The following TRAF5 variants were observed in gnomAD, a reference collection of about 807,000 sequenced individuals.
TRAF5 encodes the protein TNF receptor associated factor 5.
A neutral mutation model predicts 64.5 loss-of-function variants in TRAF5; 48 were observed. The ratio of observed to expected loss-of-function variants is 0.74; its 90% confidence interval spans 0.59 to 0.95. The LOEUF (loss-of-function observed/expected upper bound fraction) is 0.95, where lower values mean the gene tolerates loss of function less well. Ranked by LOEUF, TRAF5 falls within the 40% of genes least tolerant of loss-of-function variation. TRAF5 has a pLI of 0.00. For synonymous variants in TRAF5, 206 were observed against 240.5 expected (o/e 0.86, Z 1.33); for missense variants, 545 against 662.8 (o/e 0.82, Z 1.95).
chr1:211,337,026 C>T (rs572232964), intron 1 of TRAF5, among the ~76,000 whole-genome samples: 6 of 152,394 alleles, frequency 3.9e-5, no homozygotes, highest in Admixed American at 3.9e-4. Flanking sequence ...GCCGCTGCAC[C>T]TGGCCACGTG....
rs1703451999 is a variant in TRAF5 at position 211,369,463 on chromosome 1, A to T, written c.801A>T (p.Leu267Phe). ...GTTCCTGTTATTAGATTTCTGACTT[A>T]CACAAGAGCCTAGAACAGAAAGAAA... Reference protein sequence around the residue: ...NVQLEEQISDLHKSLEQKESK... With the variant: ...NVQLEEQISDFHKSLEQKESK... Residue 267 changes from leucine (L) to phenylalanine (F), a missense_variant, in exon 9 of 11, where the codon TTA becomes TTT. Coordinates refer to ENST00000261464, the MANE Select transcript of TRAF5 (RefSeq NM_001033910.3). The T allele has an allele frequency of 1.3e-6, 2 of 1,588,582 alleles. No individual in the cohort carries two copies. The highest frequency in any genetic ancestry group is 2.7e-5 in the African/African-American group (2 of 73,198).
intron 1 of TRAF5, among the ~76,000 whole-genome samples, chr1:211,352,717 C>T (rs1235986843): frequency 2.6e-5 from 4 of 152,126 alleles, no homozygotes; most frequent in Non-Finnish European, 4.4e-5. Flanking sequence ...ATTTATTTCT[C>T]ATAGTTCTGG....
At chr1:211,360,944 C>T in intron 6 of TRAF5, 144 bp from the exon 7 acceptor site, 1 of 998,446 alleles carries the variant, frequency 1.0e-6, no homozygotes, top group Non-Finnish European at 1.5e-6. Flanking sequence ...GAACTCTCTT[C>T]AACTTTCATC....
At chr1:211,356,002 A>ACACCCACACATT (rs1702950511) in intron 3 of TRAF5, among the ~76,000 whole-genome samples, 2 of 152,214 alleles carry the variant, frequency 1.3e-5, no homozygotes, top group Admixed American at 6.5e-5. Context: ...GCACAGCCTC[A>ACACCCACACATT]GTGACACTGT....
chr1:211,334,453 T>C (rs1011707863), intron 1 of TRAF5, among the ~76,000 whole-genome samples: 4 of 152,262 alleles, frequency 2.6e-5, no homozygotes, highest in African/African-American at 7.2e-5. Context: ...GGTCAGGAGA[T>C]TGAGACCATC....
chr1:211,355,017 AC>A (rs2102746326), intron 3 of TRAF5, among the ~76,000 whole-genome samples: 1 of 152,162 alleles, frequency 6.6e-6, no homozygotes, highest in South Asian at 2.1e-4. Flanking sequence ...TACTAAAAAT[AC>A]AGAAATTAGC....
intron 4 of TRAF5, chr1:211,357,301 T>A (rs1344894107): frequency 6.6e-6 from 1 of 152,226 alleles, no homozygotes; most frequent in Non-Finnish European, 1.5e-5. Flanking sequence ...TCCAAATCCC[T>A]CAGGGACTGA....
At chr1:211,354,156 G>C (rs1169340310) in intron 2 of TRAF5, among the ~76,000 whole-genome samples, 1 of 152,148 alleles carries the variant, frequency 6.6e-6, no homozygotes, top group East Asian at 1.9e-4. Flanking sequence ...ACAAAGGACA[G>C]GGGGCATTCA....
intron 1 of TRAF5, among the ~76,000 whole-genome samples, chr1:211,351,780 G>A (rs1308278042): frequency 1.3e-5 from 2 of 152,160 alleles, no homozygotes; most frequent in African/African-American, 4.8e-5. Flanking sequence ...CTGTATTTAT[G>A]TGGGTCTATT....
intron 3 of TRAF5, 44 bp downstream of exon 3, chr1:211,354,511 G>A (rs771943949): frequency 9.0e-5 from 143 of 1,595,266 alleles, no homozygotes; most frequent in Non-Finnish European, 8.5e-5. Flanking sequence ...CAGGGTGATG[G>A]AGAAGAAGTC....
intron 1 of TRAF5, among the ~76,000 whole-genome samples, chr1:211,345,168 C>T (rs148967663): frequency 6.6e-5 from 10 of 152,254 alleles, no homozygotes; most frequent in East Asian, 1.9e-4. Flanking sequence ...CTACCCACCT[C>T]GGCCTCCCAG....
In TRAF5 at chr1:211,327,816, G is replaced by A. The variant is rs148839720; in HGVS notation, c.-2+927G>A. Among the ~76,000 whole-genome samples the A allele has an allele frequency of 3.6e-3, 552 of 152,352 alleles. 3 individuals carry two copies. The highest frequency in any genetic ancestry group is 0.013 in the African/African-American group (532 of 41,574). On this transcript the variant is annotated intron_variant, in intron 1 of 10. Transcript: ENST00000261464. The stretch of plus-strand genomic sequence containing the variant: ...AGCATTGAGGTTGGTGAAACCAGGC[G>A]AGGCTCCCTGCCAGGGCTGCCCCTG...
chr1:211,328,495 A>G (rs1702076044), intron 1 of TRAF5, among the ~76,000 whole-genome samples: 1 of 152,060 alleles, frequency 6.6e-6, no homozygotes, highest in Non-Finnish European at 1.5e-5. Flanking sequence ...GCAGGGTAGG[A>G]TGGTGGTATT....
intron 1 of TRAF5, 132 bp downstream of exon 1, chr1:211,327,021 C>G (rs1702033232): frequency 3.7e-6 from 3 of 801,450 alleles, no homozygotes; most frequent in Admixed American, 6.2e-5. Flanking sequence ...GGCCGGTCCC[C>G]GACCGGCGGG....
intron 1 of TRAF5, among the ~76,000 whole-genome samples, chr1:211,344,220 T>C (rs1263333697): frequency 6.6e-6 from 1 of 152,108 alleles, no homozygotes; most frequent in African/African-American, 2.4e-5. Flanking sequence ...GCCTTTGCAC[T>C]CCCATCTACT....
chr1:211,360,380 TG>T (rs1394813276), intron 5 of TRAF5: 1 of 486,488 alleles, frequency 2.1e-6, no homozygotes. Context: ...GCAGTGTAGC[TG>T]GGGAGGCAGG....
At chr1:211,335,448 C>T (rs1192815233) in intron 1 of TRAF5, among the ~76,000 whole-genome samples, 1 of 152,184 alleles carries the variant, frequency 6.6e-6, no homozygotes, top group Non-Finnish European at 1.5e-5. Flanking sequence ...GCGTCTGCAC[C>T]TTGAAAAATA....
chr1:211,351,086 G>A (rs1349700386), intron 1 of TRAF5, among the ~76,000 whole-genome samples: 2 of 146,650 alleles, frequency 1.4e-5, no homozygotes, highest in Non-Finnish European at 3.0e-5. Flanking sequence ...GAGTGCAGTG[G>A]CGCCATCTCA....
At chr1:211,340,759 C>T (rs1357099029) in intron 1 of TRAF5, among the ~76,000 whole-genome samples, 3 of 152,240 alleles carry the variant, frequency 2.0e-5, no homozygotes, top group East Asian at 1.9e-4. Flanking sequence ...CTTAATGCAA[C>T]GTGTCCTTTT....
Sources: allele counts gnomAD v4.1 joint callset (sites outside exome capture counted in the v4.1 genomes callset), GRCh38; gene constraint gnomAD v4.1.1; transcripts MANE v1.5; gene names NCBI Gene and HGNC (gene_info 2026-07-23, HGNC 2026-07-21).